Variants in HPCAL1 observed in about 807,000 individuals in gnomAD.
HPCAL1 encodes hippocalcin like 1.
A neutral mutation model predicts 17.1 loss-of-function variants in HPCAL1; 8 were observed. That is an observed-to-expected ratio of 0.47 (90% CI 0.27 to 0.84). HPCAL1 has a LOEUF of 0.84. Ranked by LOEUF, HPCAL1 falls within the 40% of genes least tolerant of loss-of-function variation. The pLI is 0.13. For synonymous variants in HPCAL1, 112 were observed against 111.4 expected, an observed-to-expected ratio of 1.01 and a Z score of -0.03; for missense variants, 165 against 271.1, an observed-to-expected ratio of 0.61 and a Z score of 2.75.
rs140389882 is a variant in HPCAL1 at position 10,347,113 on chromosome 2, C to T, written c.-111+43936C>T. Among the ~76,000 whole-genome samples the T allele has an allele frequency of 8.2e-3, 1,245 of 152,252 alleles. 23 individuals carry two copies. The highest frequency in any genetic ancestry group is 0.028 in the African/African-American group (1,170 of 41,520). On this transcript the variant is annotated intron_variant, in intron 1 of 4. Transcript: ENST00000307845. ...CTAGAGAGCCCCGCACCGCCCCCGC[C>T]CCCCGCAGGTGCTGGAGTTCAGCCT... is the stretch of plus-strand genomic sequence containing the variant.
chr2:10,342,294 G>A lies in HPCAL1; in HGVS notation c.-111+39117G>A, dbSNP rs893813287. Among the ~76,000 whole-genome samples the A allele has an allele frequency of 3.3e-5, 5 of 152,190 alleles. No individual in the cohort carries two copies. Among genetic ancestry groups the A allele is most frequent in the South Asian group, 2.1e-4 (1 of 4,830 alleles). On this transcript the variant is annotated intron_variant, in intron 1 of 4. Coordinates refer to ENST00000307845, the MANE Select transcript of HPCAL1 (RefSeq NM_002149.4). The surrounding 1 kb of genome is among the most constrained non-coding windows in gnomAD (Gnocchi z 4.1). Reference sequence around the variant, plus strand: ...TAACCTGTTGAATAAGCAACAGGCCGAGGTGGGGACCCTGCCTCGCCCGCC... The same window carrying A: ...TAACCTGTTGAATAAGCAACAGGCCAAGGTGGGGACCCTGCCTCGCCCGCC...
chr2:10,356,859 C>A (rs1666193078), intron 1 of HPCAL1, among the ~76,000 whole-genome samples: 1 of 152,176 alleles, frequency 6.6e-6, no homozygotes, highest in South Asian at 2.1e-4. Context: ...GCGGGGCCAC[C>A]CATCTCCAAA....
rs1047464644 is a variant in HPCAL1 at position 10,303,078 on chromosome 2, G to T, written c.-210G>T. 6 of 151,860 alleles carry T rather than the reference G, an allele frequency of 4.0e-5. No individual in the cohort carries two copies. Among genetic ancestry groups the T allele is most frequent in the African/African-American group, 1.4e-4 (6 of 41,398 alleles). The allele number at this position is 151,860 out of a possible 1,614,324, so 9.4% of individuals were successfully genotyped here. On this transcript the variant is annotated 5_prime_UTR_variant, in exon 1 of 5. Transcript: ENST00000307845. ...GCTGCTAGTCACTCCTCCCGGCCTC[G>T]GCGCGCTTGTCCCGGGCAGCGGCCC...
At chr2:10,356,154 G>T (rs1336618633) in intron 1 of HPCAL1, among the ~76,000 whole-genome samples, 1 of 152,174 alleles carries the variant, frequency 6.6e-6, no homozygotes, top group Non-Finnish European at 1.5e-5. Context: ...TGTTACCTCT[G>T]GTTTCTGTTT....
chr2:10,371,293 G>A (rs190621031), intron 1 of HPCAL1, among the ~76,000 whole-genome samples: 9 of 152,236 alleles, frequency 5.9e-5, no homozygotes, highest in African/African-American at 1.9e-4. Context: ...AGAACTGAGT[G>A]GACAAGCCAG....
At chr2:10,387,006 C>T (rs1668359024) in intron 1 of HPCAL1, among the ~76,000 whole-genome samples, 1 of 152,112 alleles carries the variant, frequency 6.6e-6, no homozygotes, top group Non-Finnish European at 1.5e-5. Context: ...CCAGGTGGGC[C>T]CAAGTGTGAT....
chr2:10,399,841 T>C (rs35484237), intron 2 of HPCAL1, among the ~76,000 whole-genome samples: 71,746 of 151,858 alleles, frequency 0.47, 16,998 homozygotes, highest in East Asian at 0.6. Flanking sequence ...CAGACACTCA[T>C]GCGTTCCTTC....
chr2:10,386,143 C>G (rs1266511575), intron 1 of HPCAL1, among the ~76,000 whole-genome samples: 1 of 152,244 alleles, frequency 6.6e-6, no homozygotes, highest in Admixed American at 6.5e-5. Flanking sequence ...GCTCCCTCAC[C>G]TCCTCAGGGC....
rs1666564612 is a variant in HPCAL1, at chr2:10,362,205, T to C, written c.-110-34630T>C. Among the ~76,000 whole-genome samples the C allele has an allele frequency of 6.6e-6, 1 of 152,168 alleles. No homozygotes were observed. The highest frequency in any genetic ancestry group is 2.4e-5 in the African/African-American group (1 of 41,422). Reference sequence around the variant, plus strand: ...CAGTTTGCTCTGCCAGCGAGTCAATTGAGCATTTGGAGCATTTGCTGTGTG... The same window carrying C: ...CAGTTTGCTCTGCCAGCGAGTCAATCGAGCATTTGGAGCATTTGCTGTGTG... On this transcript the variant is annotated intron_variant, in intron 1 of 4. Transcript: ENST00000307845. This position sits in a 1 kb window ranked among gnomAD's most constrained non-coding sequence, Gnocchi z 5.0.
At chr2:10,402,189 C>T (rs540303497) in intron 2 of HPCAL1, among the ~76,000 whole-genome samples, 57 of 152,284 alleles carry the variant, frequency 3.7e-4, no homozygotes, top group African/African-American at 1.3e-3. Flanking sequence ...CATGAGTCAC[C>T]GCACCCGGCC....
chr2:10,388,726 G>A (rs371591182), intron 1 of HPCAL1, among the ~76,000 whole-genome samples: 73 of 152,316 alleles, frequency 4.8e-4, no homozygotes, highest in African/African-American at 1.6e-3. Context: ...TGCCGACCTC[G>A]TCTCTTACTG....
chr2:10,399,513 GCCGCCACCACCGCCA>G (rs1669418106), intron 2 of HPCAL1, among the ~76,000 whole-genome samples: 1 of 67,348 alleles, frequency 1.5e-5, no homozygotes. Flanking sequence ...CACCACCACC[GCCGCCACCACCGCCA>G]CTGCCACCGC....
At chr2:10,366,405 T>A (rs902465972) in intron 1 of HPCAL1, among the ~76,000 whole-genome samples, 2 of 152,076 alleles carry the variant, frequency 1.3e-5, no homozygotes, top group Non-Finnish European at 2.9e-5. Flanking sequence ...CCAGCTAATT[T>A]TTGTATTTTT....
At chr2:10,420,236 C>T in intron 3 of HPCAL1, 101 bp downstream of exon 3, 2 of 736,008 alleles carry the variant, frequency 2.7e-6, no homozygotes, top group Non-Finnish European at 3.9e-6. Flanking sequence ...TTTTTTAAGA[C>T]AGGAATCTTG....
intron 1 of HPCAL1, among the ~76,000 whole-genome samples, chr2:10,371,159 T>C (rs1427020723): frequency 6.6e-6 from 1 of 152,054 alleles, no homozygotes; most frequent in Non-Finnish European, 1.5e-5. Context: ...GGGTTTGGGG[T>C]GGCATGTGGT....
intron 1 of HPCAL1, among the ~76,000 whole-genome samples, chr2:10,387,886 T>G (rs1163875688): frequency 6.6e-6 from 1 of 152,234 alleles, no homozygotes; most frequent in Non-Finnish European, 1.5e-5. Flanking sequence ...CTTTCCTTTC[T>G]TTTCTTTTCT....
rs554588768 is a variant in HPCAL1 at position 10,323,477 on chromosome 2, C to T, written c.-111+20300C>T. 2.0e-5 allele frequency among the ~76,000 whole-genome samples: 3 copies of T among 152,320 alleles called. No individual in the cohort carries two copies. The highest frequency in any genetic ancestry group is 2.1e-4 in the South Asian group (1 of 4,814). ...GCCTGCACCTGGCCCTGGCAGTGGG[C>T]GCACGTTAGGTGGGATTGCTGAAGA... is the stretch of plus-strand genomic sequence containing the variant. On this transcript the variant is annotated intron_variant, in intron 1 of 4. Transcript: ENST00000307845. This position sits in a 1 kb window ranked among gnomAD's most constrained non-coding sequence, Gnocchi z 4.6.
chr2:10,340,785 C>T (rs1244291925), intron 1 of HPCAL1, among the ~76,000 whole-genome samples: 1 of 152,188 alleles, frequency 6.6e-6, no homozygotes, highest in Non-Finnish European at 1.5e-5. Flanking sequence ...CATATCCCTG[C>T]CCTTCCAGCC....
chr2:10,322,112 T>C (rs1193525837), intron 1 of HPCAL1, among the ~76,000 whole-genome samples: 1 of 152,180 alleles, frequency 6.6e-6, no homozygotes, highest in Non-Finnish European at 1.5e-5. Flanking sequence ...AGCCTGCAAC[T>C]CTATGGATTA....
Sources: gnomAD v4.1 joint callset for allele counts (sites outside exome capture counted in the v4.1 genomes callset) on GRCh38, gnomAD v4.1.1 for gene constraint, Gnocchi (gnomAD v3.1) non-coding constraint, MANE v1.5 for transcripts, NCBI Gene and HGNC (gene_info 2026-07-23, HGNC 2026-07-21) for gene names.